Variants in LIG3 observed in about 807,000 individuals in gnomAD.
LIG3 encodes the protein DNA ligase 3.
Under a neutral mutation model 110.9 loss-of-function variants are expected in LIG3, and 58 were observed. The observed-to-expected ratio is 0.52, with a 90% confidence interval of 0.42 to 0.65. LIG3 has a LOEUF of 0.65. Ranked by LOEUF, LIG3 falls within the 30% of genes least tolerant of loss-of-function variation. The pLI, the probability that LIG3 is intolerant of heterozygous loss-of-function variation, is 0.00. For missense variants in LIG3, 1,094 were observed against 1,273.8 expected (o/e 0.86, Z 2.15); for synonymous variants, 422 against 472.8 (o/e 0.89, Z 1.39).
intron 7 of LIG3, 34 bp downstream of exon 7, chr17:34,992,069 C>T (rs762236510): frequency 1.9e-6 from 3 of 1,582,748 alleles, no homozygotes; most frequent in Non-Finnish European, 1.7e-6. Context: ...CCTGAGCTGT[C>T]ATTTGTTAGC....
chr17:34,990,908 T>C (rs1313985801), intron 4 of LIG3, 55 bp from the exon 5 acceptor site: 1 of 1,571,290 alleles, frequency 6.4e-7, no homozygotes, highest in Non-Finnish European at 8.7e-7. Flanking sequence ...TCTTTGAGTT[T>C]ATATATTTAT....
intron 4 of LIG3, 183 bp downstream of exon 4, chr17:34,989,846 G>T (rs528430910): frequency 1.7e-6 from 1 of 602,692 alleles, no homozygotes; most frequent in African/African-American, 1.9e-5. Context: ...ATTTTGCACT[G>T]TACTCCACAA....
At chr17:34,987,143 T>C (rs1054701373) in intron 3 of LIG3, among the ~76,000 whole-genome samples, 1 of 152,240 alleles carries the variant, frequency 6.6e-6, no homozygotes, top group South Asian at 2.1e-4. Flanking sequence ...TATAGTTTCT[T>C]TTATATAAAA....
chr17:35,004,232 A>C, intron 19 of LIG3, 41 bp from the exon 20 acceptor site: 4 of 1,484,176 alleles, frequency 2.7e-6, no homozygotes, highest in Non-Finnish European at 3.8e-6. Context: ...ATCTGTACCC[A>C]GTGTAGGTCT....
chr17:34,992,787 G>T lies in LIG3; in HGVS notation c.1455+95G>T. 6.5e-6 allele frequency: 8 copies of T among 1,228,264 alleles called. No homozygotes were observed. The South Asian group carries it at 1.5e-4, about 24-fold the overall frequency. 76.1% of individuals were successfully genotyped at this position (1,228,264 alleles called of 1,614,324 possible). On this transcript the variant is annotated intron_variant, in intron 8 of 19. Coordinates refer to ENST00000378526, the MANE Select transcript of LIG3 (RefSeq NM_013975.4). ...TAGGGTATGAGTGTTGAGAGCACTT[G>T]CAAATTGACTGGAGAAGTTTAGGGA...
intron 2 of LIG3, among the ~76,000 whole-genome samples, chr17:34,984,569 T>C (rs1014226990): frequency 2.0e-5 from 3 of 152,260 alleles, no homozygotes; most frequent in South Asian, 2.1e-4. Context: ...TGGGGATTCC[T>C]GTTAGTGGGA....
intron 3 of LIG3, among the ~76,000 whole-genome samples, chr17:34,988,626 G>A (rs1263913648): frequency 2.6e-5 from 4 of 152,138 alleles, no homozygotes; most frequent in African/African-American, 9.7e-5. Flanking sequence ...CCTGCCCCTT[G>A]ACCACCTTTT....
intron 6 of LIG3, 52 bp from the exon 7 acceptor site, chr17:34,991,906 T>A (rs552091875): frequency 1.2e-6 from 2 of 1,613,614 alleles, no homozygotes; most frequent in Non-Finnish European, 1.7e-6. Context: ...GAAGGTTCCC[T>A]TGGGGTTCCA....
chr17:34,996,579 A>G lies in LIG3; in HGVS notation c.1749A>G (p.Ala583=), dbSNP rs570019645. 1 of 1,613,746 alleles carries G rather than the reference A, an allele frequency of 6.2e-7. No homozygotes were observed. Among genetic ancestry groups the G allele is most frequent in the Non-Finnish European group, 8.5e-7 (1 of 1,179,762 alleles). The part of the protein sequence containing the change: ...PFGTLGVHKK[A]AFQDANVCLF... ...TACCTCATTTTCCCTTACAGAAAGC[A>G]GCCTTCCAGGATGCTAATGTCTGCC... The change falls in exon 11 of 20, where the codon GCA becomes GCG. Residue 583 remains alanine, a synonymous_variant. Coordinates refer to ENST00000378526, the MANE Select transcript of LIG3 (RefSeq NM_013975.4).
At chr17:34,998,795 C>A (rs2090808549) in intron 14 of LIG3, 68 bp downstream of exon 14, 14 of 1,546,426 alleles carry the variant, frequency 9.1e-6, no homozygotes, top group Non-Finnish European at 1.1e-5. Flanking sequence ...ACAGGCTGGC[C>A]TTGTTACTGG....
intron 2 of LIG3, 25 bp downstream of exon 2, chr17:34,983,577 C>T (rs2090627460): frequency 3.1e-6 from 5 of 1,589,808 alleles, no homozygotes; most frequent in Non-Finnish European, 4.3e-6. Flanking sequence ...ACTGCTTTCT[C>T]ATCTTACTGG....
intron 19 of LIG3, chr17:35,003,267 C>G: frequency 9.4e-7 from 1 of 1,058,742 alleles, no homozygotes; most frequent in South Asian, 1.7e-5. Flanking sequence ...GTTACATTTT[C>G]TTGTCAGTCT....
rs572873417 is a variant in LIG3 at position 35,005,010 on chromosome 17, C to G, written c.*504C>G. 1.3e-4 allele frequency: 39 copies of G among 297,152 alleles called. No homozygotes were observed. The East Asian group carries it at 3.2e-3, about 24-fold the overall frequency. The allele number at this position is 297,152 out of a possible 1,614,324, so 18.4% of individuals were successfully genotyped here. On this transcript the variant is annotated 3_prime_UTR_variant, in exon 20 of 20. Coordinates refer to ENST00000378526, the MANE Select transcript of LIG3 (RefSeq NM_013975.4). ...CGGAACTTGTATTCAGCCTGACACG[C>G]TTTGCCAGGAACAAACCTCATGTGA...
At chr17:34,981,803 C>CT (rs1366418442) in intron 1 of LIG3, among the ~76,000 whole-genome samples, 2 of 152,228 alleles carry the variant, frequency 1.3e-5, no homozygotes, top group Admixed American at 6.5e-5. Context: ...ATACTTAAAA[C>CT]TAGGACTATA....
chr17:34,985,479 C>A (rs761968090), intron 2 of LIG3, among the ~76,000 whole-genome samples: 6 of 152,190 alleles, frequency 3.9e-5, no homozygotes, highest in Admixed American at 3.3e-4. Context: ...CTTCTTGACC[C>A]ATCTCTCATT....
chr17:34,982,977 T>TTG, intron 1 of LIG3, 25 bp from the exon 2 acceptor site: 1 of 1,485,680 alleles, frequency 6.7e-7, no homozygotes, highest in Non-Finnish European at 9.0e-7. Flanking sequence ...TTTTTTTTTT[T>TTG]TTGGCCTCCT....
chr17:34,999,510 C>A, intron 15 of LIG3, 61 bp downstream of exon 15: 1 of 1,576,064 alleles, frequency 6.3e-7, no homozygotes, highest in Non-Finnish European at 8.6e-7. Flanking sequence ...GAGACAGAGG[C>A]TGTGCTTTGG....
rs1470607206 is a variant in LIG3 at position 34,991,818 on chromosome 17, C to T, written c.1189C>T (p.Leu397=). The stretch of plus-strand genomic sequence containing the variant: ...CAAGGAGGATGAGCAGCAACAGGCC[C>T]TACAGGACATTGCCTCCAGGTGGGG... ...LTKEDEQQQA[L]QDIASRCTAN... Residue 397 remains leucine, a synonymous_variant, in exon 6 of 20, where the codon CTA becomes TTA. Transcript: ENST00000378526. The T allele has an allele frequency of 6.8e-6, 11 of 1,613,988 alleles. No individual in the cohort carries two copies. Among genetic ancestry groups the T allele is most frequent in the Non-Finnish European group, 9.3e-6 (11 of 1,180,012 alleles).
In LIG3 at chr17:35,005,770, C is replaced by G. The variant is rs964115146; in HGVS notation, c.*1264C>G. 1 of 547,098 alleles carries G rather than the reference C, an allele frequency of 1.8e-6. No individual in the cohort carries two copies. The highest frequency in any genetic ancestry group is 1.9e-5 in the African/African-American group (1 of 52,154). The allele number at this position is 547,098 out of a possible 1,614,324, so 33.9% of individuals were successfully genotyped here. A position where few individuals can be genotyped will look rare whatever the true frequency, so the allele number is the denominator to read the frequency against. On this transcript the variant is annotated 3_prime_UTR_variant, in exon 20 of 20. Coordinates refer to ENST00000378526, the MANE Select transcript of LIG3 (RefSeq NM_013975.4). Reference sequence around the variant, plus strand: ...GCCTTTAAGAAGAAATCAGTGGATACTGGATTTGCTCCTGTCAATGAAGTT... The same window carrying G: ...GCCTTTAAGAAGAAATCAGTGGATAGTGGATTTGCTCCTGTCAATGAAGTT...
Sources: gnomAD v4.1 joint callset for allele counts (sites outside exome capture counted in the v4.1 genomes callset) on GRCh38, gnomAD v4.1.1 for gene constraint, MANE v1.5 for transcripts, NCBI Gene and HGNC (gene_info 2026-07-23, HGNC 2026-07-21) for gene names.